The following ATP7B variants were observed in gnomAD, a reference collection of about 807,000 sequenced individuals.
ATP7B encodes the protein ATPase copper transporting beta.
In ATP7B, 113 loss-of-function variants were observed where a neutral mutation model predicts 118.9. The ratio of observed to expected loss-of-function variants is 0.95; its 90% confidence interval spans 0.82 to 1.11. ATP7B has a LOEUF of 1.11. Among genes scored for constraint, ATP7B ranks in the 50% most tolerant of loss-of-function variants. ATP7B has a pLI of 0.00. For missense variants in ATP7B, 1,867 were observed against 1,871.4 expected, an observed-to-expected ratio of 1.00 and a Z score of 0.04; for synonymous variants, 777 against 727.4, an observed-to-expected ratio of 1.07 and a Z score of -1.10.
chr13:51,982,333 T>A (rs1054511851), intron 1 of ATP7B, among the ~76,000 whole-genome samples: 4 of 152,240 alleles, frequency 2.6e-5, no homozygotes, highest in Non-Finnish European at 5.9e-5. Flanking sequence ...GTTTTAAGTA[T>A]GAATTCCAGC....
rs370579582 is a variant in ATP7B, at chr13:51,973,930, C to G, written c.1285+5G>C. On this transcript the variant is annotated splice_donor_5th_base_variant and intron_variant, in intron 2 of 20. Transcript: ENST00000242839. Reference sequence around the variant, plus strand: ...CTCAGGACATGCCTCAAACACACTACGTACCAGAAACGACTGAAGCCTCAA... The same window carrying G: ...CTCAGGACATGCCTCAAACACACTAGGTACCAGAAACGACTGAAGCCTCAA... The G allele has an allele frequency of 3.1e-6, 5 of 1,614,242 alleles. No homozygotes were observed. Among genetic ancestry groups the G allele is most frequent in the Non-Finnish European group, 2.5e-6 (3 of 1,180,038 alleles).
Position 51,950,191 on chromosome 13 carries a change from T to C in ATP7B, c.2576-30A>G, listed in dbSNP as rs2281814. The C allele has an allele frequency of 2.6e-4, 427 of 1,614,184 alleles. 1 individual carries two copies. The East Asian group carries it at 9.1e-3, about 34-fold the overall frequency. On this transcript the variant is annotated intron_variant, in intron 10 of 20. Coordinates refer to ENST00000242839, the MANE Select transcript of ATP7B (RefSeq NM_000053.4). ...ACGTAGGAAAGAGACAACTGTCACT[T>C]GCTCAGCCCCATCCAGCACTCATGT...
chr13:51,985,632 T>C (rs890928411), intron 1 of ATP7B, among the ~76,000 whole-genome samples: 6 of 152,258 alleles, frequency 3.9e-5, no homozygotes, highest in East Asian at 3.9e-4. Context: ...CAGCACCACA[T>C]TGCAGTTATC....
Position 51,944,143 on chromosome 13 carries a change from G to C in ATP7B, c.3209C>G (p.Pro1070Arg), listed in dbSNP as rs1173623580. The C allele has an allele frequency of 3.1e-6, 5 of 1,614,096 alleles. No individual in the cohort carries two copies. Among genetic ancestry groups the C allele is most frequent in the Non-Finnish European group, 8.5e-7 (1 of 1,180,024 alleles). ...VGTAEASSEH[P>R]LGVAVTKYCK... ...GTATTTGGTGACTGCCACGCCCAAG[G>C]GGTGTTCACTGCTGGCCTCCGCAGT... is the stretch of plus-strand genomic sequence containing the variant. Residue 1070 changes from proline to arginine, a missense_variant, in exon 14 of 21, where the codon CCC becomes CGC. Coordinates refer to ENST00000242839, the MANE Select transcript of ATP7B (RefSeq NM_000053.4).
At chr13:52,002,761 C>T (rs1953572070) in intron 1 of ATP7B, among the ~76,000 whole-genome samples, 1 of 152,068 alleles carries the variant, frequency 6.6e-6, no homozygotes, top group Non-Finnish European at 1.5e-5. Flanking sequence ...ATCCTAATAA[C>T]GTGAGTGACA....
intron 9 of ATP7B, among the ~76,000 whole-genome samples, chr13:51,956,179 C>A (rs542869531): frequency 4.1e-4 from 63 of 152,318 alleles, no homozygotes; most frequent in Non-Finnish European, 7.8e-4. Flanking sequence ...AAAACCAGTG[C>A]CACCGCGCAG....
At chr13:51,956,851 A>G (rs908938583) in intron 9 of ATP7B, among the ~76,000 whole-genome samples, 5 of 152,214 alleles carry the variant, frequency 3.3e-5, no homozygotes, top group Non-Finnish European at 7.3e-5. Flanking sequence ...AGGTTAAGAA[A>G]ATAGACTCTG....
intron 1 of ATP7B, among the ~76,000 whole-genome samples, chr13:51,976,138 T>C (rs953257218): frequency 1.3e-5 from 2 of 152,260 alleles, no homozygotes; most frequent in African/African-American, 2.4e-5. Context: ...TAACTAGATA[T>C]ACTTTTTACA....
intron 19 of ATP7B, among the ~76,000 whole-genome samples, chr13:51,936,674 A>G (rs1013181466): frequency 4.6e-5 from 7 of 152,056 alleles, no homozygotes; most frequent in South Asian, 2.1e-4. Flanking sequence ...ACTAAGGTGT[A>G]CGCTACCACG....
At chr13:51,981,487 C>T (rs957459141) in intron 1 of ATP7B, among the ~76,000 whole-genome samples, 4 of 152,208 alleles carry the variant, frequency 2.6e-5, no homozygotes, top group Admixed American at 1.3e-4. Flanking sequence ...CTCTGGACCA[C>T]GTACATCCTG....
intron 5 of ATP7B, among the ~76,000 whole-genome samples, chr13:51,964,060 GA>G (rs988120295): frequency 7.0e-6 from 1 of 143,380 alleles, no homozygotes; most frequent in Non-Finnish European, 1.5e-5. Flanking sequence ...AAAAAAGAAA[GA>G]AAAAAAAAGC....
Position 51,974,104 on chromosome 13 carries a change from G to C in ATP7B, c.1116C>G (p.Ser372=). ...TCATGCCTTCAATGGAATGGACACA[G>C]GATGCACAGGTCATGCCGGCAATGG... ...LIAIAGMTCA[S]CVHSIEGMIS... The change falls in exon 2 of 21, where the codon TCC becomes TCG. Residue 372 remains serine, a synonymous_variant. Transcript: ENST00000242839. 1 of 1,614,124 alleles carries C rather than the reference G, an allele frequency of 6.2e-7. No homozygotes were observed. The highest frequency in any genetic ancestry group is 8.5e-7 in the Non-Finnish European group (1 of 1,180,038).
chr13:51,944,193 G>C lies in ATP7B; in HGVS notation c.3159C>G (p.Leu1053=). The C allele has an allele frequency of 6.2e-7, 1 of 1,614,148 alleles. No homozygotes were observed. Among genetic ancestry groups the C allele is most frequent in the Non-Finnish European group, 8.5e-7 (1 of 1,180,026 alleles). ...TCCCCACCACAGCCAGAACCTTCCTGAGGGGCAGTGTGGCCACATCCCCCA... is the reference window on the plus strand; with the variant it reads ...TCCCCACCACAGCCAGAACCTTCCTCAGGGGCAGTGTGGCCACATCCCCCA... ...LLLGDVATLP[L]RKVLAVVGTA... Residue 1053 remains leucine (L), a synonymous_variant, in exon 14 of 21, where the codon CTC becomes CTG. Transcript: ENST00000242839.
Position 51,944,182 on chromosome 13 carries a change from A to G in ATP7B, c.3170T>C (p.Leu1057Pro), listed in dbSNP as rs373601229. ...GGCCTCCGCAGTCCCCACCACAGCCAGAACCTTCCTGAGGGGCAGTGTGGC... is the reference window on the plus strand; with the variant it reads ...GGCCTCCGCAGTCCCCACCACAGCCGGAACCTTCCTGAGGGGCAGTGTGGC... ...DVATLPLRKV[L>P]AVVGTAEASS... The change falls in exon 14 of 21, where the codon CTG (leucine) becomes CCG (proline). Residue 1057 changes from leucine to proline, a missense_variant. Coordinates refer to ENST00000242839, the MANE Select transcript of ATP7B (RefSeq NM_000053.4). 6.2e-7 allele frequency: 1 copy of G among 1,614,070 alleles called. No individual in the cohort carries two copies. The highest frequency in any genetic ancestry group is 8.5e-7 in the Non-Finnish European group (1 of 1,180,038).
chr13:51,961,186 G>C (rs1445811002), intron 6 of ATP7B, among the ~76,000 whole-genome samples: 1 of 151,586 alleles, frequency 6.6e-6, no homozygotes, highest in African/African-American at 2.4e-5. Flanking sequence ...AGACCTTCCA[G>C]AATCTGCCAG....
intron 9 of ATP7B, among the ~76,000 whole-genome samples, chr13:51,952,424 A>G (rs1040488596): frequency 1.2e-4 from 19 of 152,254 alleles, no homozygotes; most frequent in African/African-American, 3.9e-4. Flanking sequence ...GACTACATTT[A>G]AACTATCACA....
intron 13 of ATP7B, among the ~76,000 whole-genome samples, chr13:51,945,851 G>A (rs987347228): frequency 1.3e-5 from 2 of 152,020 alleles, no homozygotes; most frequent in African/African-American, 2.4e-5. Flanking sequence ...CACAAACACC[G>A]TCACTCACTC....
At chr13:51,992,131 TAAA>T (rs532259736) in intron 1 of ATP7B, among the ~76,000 whole-genome samples, 1 of 125,464 alleles carries the variant, frequency 8.0e-6, no homozygotes, top group Admixed American at 8.0e-5. Context: ...GTAAGAAATG[TAAA>T]AAAAAAAAAA....
chr13:52,000,237 T>C (rs1042524324), intron 1 of ATP7B, among the ~76,000 whole-genome samples: 12 of 152,248 alleles, frequency 7.9e-5, no homozygotes, highest in Non-Finnish European at 8.8e-5. Context: ...TTCAGGAACC[T>C]GGGAAGTCCC....
Sources: gnomAD v4.1 joint callset for allele counts (sites outside exome capture counted in the v4.1 genomes callset) on GRCh38, gnomAD v4.1.1 for gene constraint, MANE v1.5 for transcripts, NCBI Gene and HGNC (gene_info 2026-07-23, HGNC 2026-07-21) for gene names.